Variants in FYN observed in about 807,000 individuals in gnomAD.
FYN encodes the protein tyrosine-protein kinase Fyn.
A neutral mutation model predicts 70.2 loss-of-function variants in FYN; 10 were observed. That is an observed-to-expected ratio of 0.14 (90% CI 0.09 to 0.24). The LOEUF (loss-of-function observed/expected upper bound fraction) is 0.24, where lower values mean the gene tolerates loss of function less well. FYN is among the 10% of genes least tolerant of loss of function. The probability of loss-of-function intolerance (pLI) is 1.00; values close to 1 mark genes in which losing one functional copy is unlikely to be tolerated. For synonymous variants in FYN, 236 were observed against 248.6 expected, an observed-to-expected ratio of 0.95 and a Z score of 0.48; for missense variants, 319 against 673.1, an observed-to-expected ratio of 0.47 and a Z score of 5.82.
intron 2 of FYN, chr6:111,781,217 TATC>T (rs1283408046): frequency 6.6e-6 from 1 of 152,138 alleles, no homozygotes; most frequent in Non-Finnish European, 1.5e-5. Flanking sequence ...CCTGAGCTGT[TATC>T]ATCATTCTCC....
intron 1 of FYN, among the ~76,000 whole-genome samples, chr6:111,870,523 A>G (rs562170542): frequency 6.6e-6 from 1 of 152,350 alleles, no homozygotes; most frequent in African/African-American, 2.4e-5. Context: ...TTTAATGTTA[A>G]ATGAAACAGA....
At position 111,873,251 on chromosome 6, in the gene FYN, G is replaced by A. The variant is rs1774341729; in HGVS notation, c.-406C>T. 1 of 149,750 alleles carries A rather than the reference G, an allele frequency of 6.7e-6. No individual in the cohort carries two copies. The highest frequency in any genetic ancestry group is 2.1e-4 in the South Asian group (1 of 4,768). The allele number at this position is 149,750 out of a possible 1,614,324, so 9.3% of individuals were successfully genotyped here. A position where few individuals can be genotyped will look rare whatever the true frequency, so the allele number is the denominator to read the frequency against. On this transcript the variant is annotated 5_prime_UTR_variant, in exon 1 of 14. Transcript: ENST00000354650. ...GCGGCGCGCCCGGGCGGGAGAGGAC[G>A]CGCCGCTCGCACAACAACCTCGCCT...
In FYN at chr6:111,661,526, A is replaced by C; in HGVS notation, c.*213T>G. 1.8e-6 allele frequency: 1 copy of C among 543,200 alleles called. No homozygotes were observed. Among genetic ancestry groups the C allele is most frequent in the Non-Finnish European group, 3.3e-6 (1 of 306,220 alleles). 33.6% of individuals were successfully genotyped at this position (543,200 alleles called of 1,614,324 possible). A position where few individuals can be genotyped will look rare whatever the true frequency, so the allele number is the denominator to read the frequency against. ...TGCATTTTCCAAAGTCTGAGAAATA[A>C]CAAGGTTCTGTCTCGAATGCTTCAC... On this transcript the variant is annotated 3_prime_UTR_variant, in exon 14 of 14. Transcript: ENST00000354650. The surrounding 1 kb of genome is among the most constrained non-coding windows in gnomAD (Gnocchi z 4.0).
chr6:111,832,824 CAG>C (rs1773064161), intron 2 of FYN, among the ~76,000 whole-genome samples: 1 of 152,072 alleles, frequency 6.6e-6, no homozygotes, highest in Non-Finnish European at 1.5e-5. Context: ...AAAACTCTGA[CAG>C]AAATATTTTG....
At chr6:111,858,932 G>A (rs1364300780) in intron 1 of FYN, among the ~76,000 whole-genome samples, 1 of 151,654 alleles carries the variant, frequency 6.6e-6, no homozygotes, top group African/African-American at 2.4e-5. Context: ...TTGAACCAAG[G>A]GCAAGGGGAG....
At position 111,661,935 on chromosome 6, in the gene FYN, C is replaced by G; in HGVS notation, c.1418G>C (p.Arg473Pro). Reference protein sequence around the residue: ...GRVPYPGMNNREVLEQVERGY... With the variant: ...GRVPYPGMNNPEVLEQVERGY... ...TCGCTCCACCTGCTCCAGCACCTCCCGGTTGTTCATGCCTGCAAAGACAAG... is the reference window on the plus strand; with the variant it reads ...TCGCTCCACCTGCTCCAGCACCTCCGGGTTGTTCATGCCTGCAAAGACAAG... Residue 473 changes from arginine (R) to proline (P), a missense_variant, in exon 14 of 14, where the codon CGG becomes CCG. Physicochemically the swap from Arg to Pro is moderately radical, Grantham distance 103. Coordinates refer to ENST00000354650, the MANE Select transcript of FYN (RefSeq NM_002037.5). The surrounding 1 kb of genome is among the most constrained non-coding windows in gnomAD (Gnocchi z 4.0). 6.2e-7 allele frequency: 1 copy of G among 1,611,234 alleles called. No individual in the cohort carries two copies. The highest frequency in any genetic ancestry group is 8.5e-7 in the Non-Finnish European group (1 of 1,178,442).
At chr6:111,816,689 G>T (rs1772500406) in intron 2 of FYN, among the ~76,000 whole-genome samples, 1 of 152,150 alleles carries the variant, frequency 6.6e-6, no homozygotes, top group East Asian at 1.9e-4. Context: ...TGAGAATATG[G>T]AGTAACTGGC....
intron 2 of FYN, among the ~76,000 whole-genome samples, chr6:111,829,876 C>G (rs1772961292): frequency 6.6e-6 from 1 of 152,148 alleles, no homozygotes; most frequent in Non-Finnish European, 1.5e-5. Flanking sequence ...TGGAGAAGAA[C>G]AGATCACTGT....
At chr6:111,688,244 G>A (rs1454229703) in intron 12 of FYN, among the ~76,000 whole-genome samples, 2 of 152,282 alleles carry the variant, frequency 1.3e-5, no homozygotes, top group South Asian at 2.1e-4. Flanking sequence ...GGAATACGGC[G>A]TCAGGATGTG....
intron 1 of FYN, among the ~76,000 whole-genome samples, chr6:111,865,864 AG>A (rs1377504765): frequency 1.3e-5 from 2 of 152,074 alleles, no homozygotes; most frequent in Non-Finnish European, 2.9e-5. Context: ...GGTTAACGTC[AG>A]AATGCTTTCA....
At chr6:111,866,757 G>A (rs776957217) in intron 1 of FYN, among the ~76,000 whole-genome samples, 13 of 152,272 alleles carry the variant, frequency 8.5e-5, no homozygotes, top group South Asian at 4.1e-4. Flanking sequence ...TTTTCCTCAC[G>A]AGTAAAATGA....
In FYN at chr6:111,698,630, T is replaced by C. The variant is rs564412829; in HGVS notation, c.862+1474A>G. On this transcript the variant is annotated intron_variant, in intron 9 of 13. Transcript: ENST00000354650. ...AATTGTTTCTAAGCAAAGCTGTAAC[T>C]GACCCAAAAGGGCTATAAAAGAAAT... Among the ~76,000 whole-genome samples the C allele has an allele frequency of 2.6e-5, 4 of 152,338 alleles. No individual in the cohort carries two copies. The East Asian group carries it at 7.7e-4, about 29-fold the overall frequency.
At chr6:111,804,487 A>C (rs553619733) in intron 2 of FYN, among the ~76,000 whole-genome samples, 2 of 152,358 alleles carry the variant, frequency 1.3e-5, no homozygotes, top group South Asian at 4.1e-4. Flanking sequence ...ATTTTTTAAA[A>C]AATCCAGAAG....
intron 3 of FYN, among the ~76,000 whole-genome samples, chr6:111,746,467 AC>A (rs1802224191): frequency 6.6e-6 from 1 of 152,152 alleles, no homozygotes; most frequent in African/African-American, 2.4e-5. Flanking sequence ...CAAGTTTTTG[AC>A]ATTTGTCCAT....
At chr6:111,666,889 T>C (rs977560913) in intron 13 of FYN, among the ~76,000 whole-genome samples, 1 of 152,050 alleles carries the variant, frequency 6.6e-6, no homozygotes, top group Non-Finnish European at 1.5e-5. Flanking sequence ...CCATGGAACA[T>C]CTCCTTGTCA....
At chr6:111,840,987 G>A (rs984574744) in intron 2 of FYN, among the ~76,000 whole-genome samples, 3 of 152,308 alleles carry the variant, frequency 2.0e-5, no homozygotes, top group Non-Finnish European at 4.4e-5. Flanking sequence ...GTGAGAGCTC[G>A]TCTTGTCTCT....
intron 13 of FYN, among the ~76,000 whole-genome samples, chr6:111,673,641 T>TTTTTTTTTTTTTTTTTG (rs60721520): frequency 7.2e-6 from 1 of 139,848 alleles, no homozygotes; most frequent in Non-Finnish European, 1.5e-5. Flanking sequence ...TTTTTTTTTT[T>TTTTTTTTTTTTTTTTTG]CTTTAAGCTC....
intron 2 of FYN, among the ~76,000 whole-genome samples, chr6:111,819,464 G>T (rs1235381123): frequency 6.6e-6 from 1 of 151,720 alleles, no homozygotes; most frequent in Non-Finnish European, 1.5e-5. Flanking sequence ...CTAAATCTTG[G>T]ATTATTGTTT....
chr6:111,790,026 G>A (rs1293909948), intron 2 of FYN, among the ~76,000 whole-genome samples: 1 of 151,998 alleles, frequency 6.6e-6, no homozygotes, highest in Non-Finnish European at 1.5e-5. Context: ...CAGAACCTTG[G>A]GGCTGAACGG....
Sources: gnomAD v4.1 joint callset for allele counts (sites outside exome capture counted in the v4.1 genomes callset) on GRCh38, gnomAD v4.1.1 for gene constraint, Gnocchi (gnomAD v3.1) non-coding constraint, MANE v1.5 for transcripts, NCBI Gene and HGNC (gene_info 2026-07-23, HGNC 2026-07-21) for gene names.